MINDY2: variants seen among roughly 807,000 people sequenced by gnomAD.
MINDY2 encodes MINDY lysine 48 deubiquitinase 2.
Under a neutral mutation model 68.2 loss-of-function variants are expected in MINDY2, and 52 were observed. That is an observed-to-expected ratio of 0.76 (90% CI 0.61 to 0.96). The LOEUF is 0.96. MINDY2 is among the 40% of genes least tolerant of loss of function. The pLI is 0.00. For synonymous variants in MINDY2, 372 were observed against 303.0 expected (o/e 1.23, Z -2.36); for missense variants, 881 against 773.4 (o/e 1.14, Z -1.65).
chr15:58,793,300 A>G (rs774775231), intron 2 of MINDY2, among the ~76,000 whole-genome samples: 1 of 151,638 alleles, frequency 6.6e-6, no homozygotes, highest in Non-Finnish European at 1.5e-5. Flanking sequence ...AAAATACAAA[A>G]AATTAGTCGG....
chr15:58,785,851 GT>G (rs1217571601), intron 1 of MINDY2, among the ~76,000 whole-genome samples: 1 of 151,906 alleles, frequency 6.6e-6, no homozygotes, highest in Non-Finnish European at 1.5e-5. Flanking sequence ...TAATTTTTGT[GT>G]TTTTTTAGTA....
chr15:58,796,437 G>A (rs1341493526), intron 2 of MINDY2, among the ~76,000 whole-genome samples: 1 of 152,216 alleles, frequency 6.6e-6, no homozygotes, highest in South Asian at 2.1e-4. Context: ...AGTCTTGTGA[G>A]CCAGGCAGGA....
intron 1 of MINDY2, among the ~76,000 whole-genome samples, chr15:58,778,712 G>A (rs886291925): frequency 1.5e-4 from 23 of 150,038 alleles, no homozygotes; most frequent in African/African-American, 5.2e-4. Context: ...GAATAGCCTC[G>A]ACCTCCCGAG....
chr15:58,806,748 T>C (rs1280170840), intron 3 of MINDY2, among the ~76,000 whole-genome samples: 3 of 152,190 alleles, frequency 2.0e-5, no homozygotes, highest in Non-Finnish European at 2.9e-5. Flanking sequence ...AATTCTTAGA[T>C]TGCTCACTGT....
At chr15:58,786,654 A>C (rs529963406) in intron 1 of MINDY2, among the ~76,000 whole-genome samples, 154 of 152,332 alleles carry the variant, frequency 1.0e-3, no homozygotes, top group African/African-American at 3.5e-3. Context: ...CAGTTTAATA[A>C]ATTATTATAA....
At chr15:58,776,023 G>A (rs1900750205) in intron 1 of MINDY2, among the ~76,000 whole-genome samples, 1 of 151,962 alleles carries the variant, frequency 6.6e-6, no homozygotes, top group South Asian at 2.1e-4. Context: ...CACCACACCA[G>A]CTAATTTTGT....
chr15:58,783,873 G>C (rs1362440202), intron 1 of MINDY2, among the ~76,000 whole-genome samples: 1 of 152,104 alleles, frequency 6.6e-6, no homozygotes, highest in Non-Finnish European at 1.5e-5. Context: ...TGAGCCCGGG[G>C]AGGTTGAGGG....
chr15:58,845,130 G>A (rs1442217133), intron 6 of MINDY2, among the ~76,000 whole-genome samples: 1 of 152,062 alleles, frequency 6.6e-6, no homozygotes, highest in African/African-American at 2.4e-5. Flanking sequence ...ATGAGGCCAG[G>A]TGTGGTGGCT....
At chr15:58,806,850 C>T (rs1440297308) in intron 3 of MINDY2, among the ~76,000 whole-genome samples, 2 of 151,996 alleles carry the variant, frequency 1.3e-5, no homozygotes, top group East Asian at 1.9e-4. Context: ...TGTTTTTAAG[C>T]GTTTAATTTT....
chr15:58,805,230 A>AT (rs1902937314), intron 3 of MINDY2, among the ~76,000 whole-genome samples: 1 of 151,804 alleles, frequency 6.6e-6, no homozygotes, highest in African/African-American at 2.4e-5. Context: ...AAAATAGTGT[A>AT]TGTCAAGCTT....
intron 1 of MINDY2, among the ~76,000 whole-genome samples, chr15:58,781,218 T>C (rs1458053454): frequency 6.6e-6 from 1 of 151,928 alleles, no homozygotes; most frequent in Non-Finnish European, 1.5e-5. Flanking sequence ...CCCAGCTAAT[T>C]GTTTTGTATT....
chr15:58,826,397 T>C (rs2031398184), intron 5 of MINDY2, among the ~76,000 whole-genome samples: 1 of 151,918 alleles, frequency 6.6e-6, no homozygotes, highest in Non-Finnish European at 1.5e-5. Flanking sequence ...ACCTGGCTAA[T>C]TTTGTATTTT....
intron 6 of MINDY2, among the ~76,000 whole-genome samples, chr15:58,839,316 C>CTTTTGTT (rs1555434699): frequency 7.6e-4 from 52 of 68,516 alleles, no homozygotes; most frequent in African/African-American, 3.6e-3. Flanking sequence ...TTAAGTTAGA[C>CTTTTGTT]TGTTTTTTTG....
chr15:58,797,388 G>A (rs533292297), intron 2 of MINDY2, among the ~76,000 whole-genome samples: 1 of 152,150 alleles, frequency 6.6e-6, no homozygotes, highest in East Asian at 1.9e-4. Flanking sequence ...CTTACCAGTA[G>A]TCCCTGCTGC....
chr15:58,828,126 C>G (rs2031513364), intron 5 of MINDY2, among the ~76,000 whole-genome samples: 2 of 150,862 alleles, frequency 1.3e-5, no homozygotes, highest in South Asian at 2.1e-4. Context: ...CCACTGCACT[C>G]CAGTCTGGAA....
At chr15:58,833,210 T>C (rs1278942265) in intron 6 of MINDY2, among the ~76,000 whole-genome samples, 1 of 152,196 alleles carries the variant, frequency 6.6e-6, no homozygotes, top group Non-Finnish European at 1.5e-5. Context: ...ACTTCATGCG[T>C]GGGGATAAAA....
At position 58,854,565 on chromosome 15, in the gene MINDY2, A is replaced by T; in HGVS notation, c.1821A>T (p.Lys607Asn). ...GTAAACGGAAGGAACCACGAGAAAA[A>T]GATAAAGAAAAAGAAAAGGAAAAAA... ...SERKRKEPRE[K>N]DKEKEKEKNS... The change falls in exon 9 of 9, where the codon AAA becomes AAT. Residue 607 changes from lysine to asparagine, a missense_variant. Coordinates refer to ENST00000559228, the MANE Select transcript of MINDY2 (RefSeq NM_001040450.3). The T allele has an allele frequency of 6.2e-7, 1 of 1,613,336 alleles. No individual in the cohort carries two copies. Among genetic ancestry groups the T allele is most frequent in the Non-Finnish European group, 8.5e-7 (1 of 1,179,908 alleles).
intron 1 of MINDY2, among the ~76,000 whole-genome samples, chr15:58,781,731 T>G (rs1177275649): frequency 2.6e-5 from 4 of 152,008 alleles, no homozygotes; most frequent in African/African-American, 9.7e-5. Context: ...GGTGAAACGC[T>G]GTCTCTACTA....
intron 2 of MINDY2, among the ~76,000 whole-genome samples, chr15:58,791,622 A>G (rs2414611): frequency 0.15 from 20,988 of 136,768 alleles, 1,834 homozygotes; most frequent in South Asian, 0.34. Context: ...GTCTCAAAAT[A>G]TGTGTGTGTG....
Sources: allele counts gnomAD v4.1 joint callset (sites outside exome capture counted in the v4.1 genomes callset), GRCh38; gene constraint gnomAD v4.1.1; transcripts MANE v1.5; gene names NCBI Gene and HGNC (gene_info 2026-07-23, HGNC 2026-07-21).